The following RAB3C variants were observed in gnomAD, a reference collection of about 807,000 sequenced individuals.
RAB3C encodes RAB3C, member RAS oncogene family, also known as ras-related protein Rab-3C.
Under a neutral mutation model 26.4 loss-of-function variants are expected in RAB3C, and 17 were observed. The observed-to-expected ratio is 0.64, with a 90% CI of 0.44 to 0.97. The LOEUF (loss-of-function observed/expected upper bound fraction) is 0.97. Ranked by LOEUF, RAB3C falls within the 50% of genes least tolerant of loss-of-function variation. The pLI is 0.00. For missense variants in RAB3C, 242 were observed against 281.9 expected (o/e 0.86, Z 1.01); for synonymous variants, 91 against 95.9 (o/e 0.95, Z 0.30).
chr5:58,848,679 T>C (rs1025959583), intron 4 of RAB3C: 1 of 152,252 alleles, frequency 6.6e-6, no homozygotes, highest in Non-Finnish European at 1.5e-5. Context: ...GTTGTTATCA[T>C]AGCATTTTCT....
intron 1 of RAB3C, among the ~76,000 whole-genome samples, chr5:58,616,886 G>A (rs1371910470): frequency 6.6e-6 from 1 of 152,070 alleles, no homozygotes; most frequent in Non-Finnish European, 1.5e-5. Flanking sequence ...AAGTAGGGCA[G>A]GTGTCAAGAA....
chr5:58,676,509 A>C (rs1048470765), intron 2 of RAB3C, among the ~76,000 whole-genome samples: 5 of 152,090 alleles, frequency 3.3e-5, no homozygotes, highest in Non-Finnish European at 7.4e-5. Context: ...TTGCCAAAAA[A>C]AATAATAAAA....
chr5:58,714,333 G>C (rs1749123844), intron 2 of RAB3C, among the ~76,000 whole-genome samples: 1 of 152,164 alleles, frequency 6.6e-6, no homozygotes. Flanking sequence ...ATGTGGTAAA[G>C]TGAAGATAGA....
At chr5:58,693,339 T>TGTATATATAC (rs1398155144) in intron 2 of RAB3C, among the ~76,000 whole-genome samples, 5 of 132,224 alleles carry the variant, frequency 3.8e-5, no homozygotes, top group African/African-American at 1.4e-4. Context: ...TATATGTGTA[T>TGTATATATAC]ATATATATAT....
chr5:58,779,381 T>C (rs75202281), intron 3 of RAB3C, among the ~76,000 whole-genome samples: 14,422 of 147,060 alleles, frequency 0.098, 1,224 homozygotes, highest in African/African-American at 0.22. Context: ...TATGATTTTA[T>C]GTATATATAT....
chr5:58,635,894 G>A (rs897529506), intron 2 of RAB3C, among the ~76,000 whole-genome samples: 7 of 152,114 alleles, frequency 4.6e-5, no homozygotes, highest in Non-Finnish European at 8.8e-5. Context: ...GTGTTAACAG[G>A]TTATTTAATT....
At chr5:58,671,647 A>C (rs1476440690) in intron 2 of RAB3C, among the ~76,000 whole-genome samples, 1 of 152,196 alleles carries the variant, frequency 6.6e-6, no homozygotes. Context: ...GCTTTCTGTT[A>C]CAGATACATT....
chr5:58,699,283 A>G (rs1748787125), intron 2 of RAB3C, among the ~76,000 whole-genome samples: 1 of 152,158 alleles, frequency 6.6e-6, no homozygotes, highest in Admixed American at 6.5e-5. Flanking sequence ...AATATTGCAG[A>G]ACAGCAAATA....
At chr5:58,691,055 C>G (rs143624777) in intron 2 of RAB3C, among the ~76,000 whole-genome samples, 3 of 151,760 alleles carry the variant, frequency 2.0e-5, no homozygotes, top group Admixed American at 1.3e-4. Flanking sequence ...ATATTTAAGT[C>G]ACCAAAAACA....
At chr5:58,710,216 T>C (rs1749028379) in intron 2 of RAB3C, among the ~76,000 whole-genome samples, 2 of 152,178 alleles carry the variant, frequency 1.3e-5, no homozygotes, top group South Asian at 4.1e-4. Flanking sequence ...GAAATATTAT[T>C]TTAAAAGCAA....
At chr5:58,593,480 G>A (rs979561169) in intron 1 of RAB3C, among the ~76,000 whole-genome samples, 1 of 151,982 alleles carries the variant, frequency 6.6e-6, no homozygotes, top group Non-Finnish European at 1.5e-5. Context: ...AAATACTTAT[G>A]TTTACATTTC....
intron 2 of RAB3C, among the ~76,000 whole-genome samples, chr5:58,629,536 C>G (rs890551010): frequency 3.3e-5 from 5 of 152,092 alleles, no homozygotes; most frequent in Non-Finnish European, 4.4e-5. Context: ...AACAAAAGAC[C>G]AGCCAAATGA....
intron 3 of RAB3C, among the ~76,000 whole-genome samples, chr5:58,808,142 G>A (rs6877255): frequency 0.15 from 23,215 of 150,122 alleles, 3,166 homozygotes; most frequent in African/African-American, 0.37. Context: ...GGAGAATGTC[G>A]TGAACCTGGG....
intron 3 of RAB3C, among the ~76,000 whole-genome samples, chr5:58,804,667 ATG>A (rs142259686): frequency 0.034 from 5,111 of 148,918 alleles, 306 homozygotes; most frequent in African/African-American, 0.12. Context: ...TGGGGTGCAT[ATG>A]TGTGTGTGTG....
chr5:58,587,984 G>A (rs1271955339), intron 1 of RAB3C, among the ~76,000 whole-genome samples: 1 of 152,054 alleles, frequency 6.6e-6, no homozygotes, highest in African/African-American at 2.4e-5. Context: ...GGCTTATTTC[G>A]TTCAGCATAA....
At chr5:58,839,516 A>G (rs951777986) in intron 4 of RAB3C, among the ~76,000 whole-genome samples, 5 of 151,936 alleles carry the variant, frequency 3.3e-5, no homozygotes, top group Non-Finnish European at 7.4e-5. Context: ...GATTACAGGC[A>G]TGCACCACCA....
chr5:58,662,360 T>C (rs1205395166), intron 2 of RAB3C, among the ~76,000 whole-genome samples: 1 of 150,156 alleles, frequency 6.7e-6, no homozygotes, highest in Non-Finnish European at 1.5e-5. Flanking sequence ...GCTGATTCCT[T>C]TCACAGAACA....
At chr5:58,648,637 A>G (rs1256635160) in intron 2 of RAB3C, among the ~76,000 whole-genome samples, 1 of 152,218 alleles carries the variant, frequency 6.6e-6, no homozygotes, top group Non-Finnish European at 1.5e-5. Flanking sequence ...CATAGCCTCT[A>G]AGAGAGACAA....
At chr5:58,595,543 C>CATA (rs1414924226) in intron 1 of RAB3C, among the ~76,000 whole-genome samples, 1 of 152,132 alleles carries the variant, frequency 6.6e-6, no homozygotes, top group African/African-American at 2.4e-5. Context: ...TATATGTGTC[C>CATA]TGGCTTCCAT....
Sources: allele counts gnomAD v4.1 joint callset (sites outside exome capture counted in the v4.1 genomes callset), GRCh38; gene constraint gnomAD v4.1.1; transcripts MANE v1.5; gene names NCBI Gene and HGNC (gene_info 2026-07-23, HGNC 2026-07-21).